CEP128: variants seen among roughly 807,000 people sequenced by gnomAD.
CEP128 encodes the protein centrosomal protein 128.
In CEP128, 132 loss-of-function variants were observed where a neutral mutation model predicts 156.7. That is an observed-to-expected ratio of 0.84 (90% CI 0.73 to 0.97). The LOEUF (loss-of-function observed/expected upper bound fraction) is 0.97. CEP128 is among the 50% of genes least tolerant of loss of function. The probability of loss-of-function intolerance (pLI) is 0.00; values close to 1 mark genes in which losing one functional copy is unlikely to be tolerated. For missense variants in CEP128, 1,252 were observed against 1,281.9 expected (o/e 0.98, Z 0.36); for synonymous variants, 469 against 448.9 (o/e 1.04, Z -0.57).
intron 23 of CEP128, among the ~76,000 whole-genome samples, chr14:80,518,663 AC>A (rs1888602355): frequency 1.3e-5 from 2 of 152,192 alleles, no homozygotes; most frequent in Admixed American, 6.5e-5. Flanking sequence ...AGGTGAACAC[AC>A]ATTTATGACT....
At chr14:80,893,388 T>C (rs1889195017) in intron 8 of CEP128, among the ~76,000 whole-genome samples, 1 of 151,624 alleles carries the variant, frequency 6.6e-6, no homozygotes, top group South Asian at 2.1e-4. Context: ...AGCTGATATG[T>C]AGGATGAACA....
rs769869419 is a variant in CEP128 at position 80,505,009 on chromosome 14, G to T, written c.3084C>A (p.Thr1028=). Residue 1028 remains threonine (T), a synonymous_variant, in exon 24 of 25, where the codon ACC becomes ACA. Transcript: ENST00000555265. The part of the protein sequence containing the change: ...YRTKSFKGDR[T]FLEGSHTRGL... Reference sequence around the variant, plus strand: ...CACGAGTGTGGGAACCTTCCAGAAAGGTTCTGTCACCCTAAGGAAAAAAAG... The same window carrying T: ...CACGAGTGTGGGAACCTTCCAGAAATGTTCTGTCACCCTAAGGAAAAAAAG... The T allele has an allele frequency of 4.4e-5, 70 of 1,589,514 alleles. No homozygotes were observed. In the Middle Eastern group the frequency reaches 6.7e-4, roughly 15 times the overall value.
chr14:80,493,798 A>G (rs544433622), downstream of CEP128, among the ~76,000 whole-genome samples: 41 of 152,272 alleles, frequency 2.7e-4, no homozygotes, highest in Admixed American at 6.5e-4. Flanking sequence ...GAATTTAGGT[A>G]GGATATGGTC....
At chr14:80,738,871 TA>T (rs1898668662) in intron 19 of CEP128, among the ~76,000 whole-genome samples, 1 of 152,200 alleles carries the variant, frequency 6.6e-6, no homozygotes, top group Non-Finnish European at 1.5e-5. Flanking sequence ...TGCATCTCTT[TA>T]TGCTCACAGC....
chr14:80,592,769 G>A (rs910300163), intron 19 of CEP128, among the ~76,000 whole-genome samples: 1 of 152,068 alleles, frequency 6.6e-6, no homozygotes, highest in Non-Finnish European at 1.5e-5. Context: ...CTGGCAAACC[G>A]AATCCAGCAG....
chr14:80,530,886 T>G lies in CEP128; in HGVS notation c.2881A>C (p.Ser961Arg), dbSNP rs1361016514. ...AGATGGTCCAAGGCCACTTGGGTAC[T>G]CTGAAATAGAAAACATAAGGAAACC... The part of the protein sequence containing the change: ...LQDRVIALET[S>R]TQVALDHLES... Residue 961 changes from serine (S) to arginine (R), a missense_variant and splice_region_variant, in exon 22 of 25, where the codon AGT (serine) becomes CGT (arginine). Coordinates refer to ENST00000555265, the MANE Select transcript of CEP128 (RefSeq NM_152446.5). The G allele has an allele frequency of 6.3e-7, 1 of 1,594,696 alleles. No individual in the cohort carries two copies. The highest frequency in any genetic ancestry group is 1.3e-5 in the African/African-American group (1 of 74,316).
intron 5 of CEP128, chr14:80,905,479 T>C (rs1267563303): frequency 6.4e-6 from 1 of 156,666 alleles, no homozygotes; most frequent in Non-Finnish European, 1.4e-5. Flanking sequence ...CTCAGTGCTA[T>C]ACAAAAGTGT....
At chr14:80,645,331 A>C (rs1894589274) in intron 19 of CEP128, among the ~76,000 whole-genome samples, 1 of 152,174 alleles carries the variant, frequency 6.6e-6, no homozygotes, top group East Asian at 1.9e-4. Context: ...TTAAGGTATT[A>C]TACCTGGTGT....
At chr14:80,775,296 T>C (rs1900730160) in intron 16 of CEP128, among the ~76,000 whole-genome samples, 1 of 152,190 alleles carries the variant, frequency 6.6e-6, no homozygotes, top group Non-Finnish European at 1.5e-5. Context: ...TGCTATACTA[T>C]CTCTCAAAGA....
chr14:80,839,554 T>C lies in CEP128; in HGVS notation c.849+1128A>G, dbSNP rs574059161. Reference sequence around the variant, plus strand: ...AAATGAGTTATATATATAAAGCTGGTGAAATCTGTATAAACTAAGTAGATT... The same window carrying C: ...AAATGAGTTATATATATAAAGCTGGCGAAATCTGTATAAACTAAGTAGATT... On this transcript the variant is annotated intron_variant, in intron 10 of 24. Transcript: ENST00000555265. Among the ~76,000 whole-genome samples, 3 of 152,194 alleles carry C rather than the reference T, an allele frequency of 2.0e-5. No individual in the cohort carries two copies. The East Asian group carries it at 5.8e-4, about 29-fold the overall frequency.
At chr14:80,883,569 A>G (rs894911714) in intron 8 of CEP128, among the ~76,000 whole-genome samples, 2 of 152,168 alleles carry the variant, frequency 1.3e-5, no homozygotes, top group Non-Finnish European at 2.9e-5. Flanking sequence ...ACTATATAAG[A>G]TTGATGCAAG....
At chr14:80,726,136 T>C (rs2139490285) in intron 19 of CEP128, among the ~76,000 whole-genome samples, 1 of 152,340 alleles carries the variant, frequency 6.6e-6, no homozygotes, top group South Asian at 2.1e-4. Flanking sequence ...ACATCTCCTA[T>C]GTCTGATGAC....
Position 80,777,928 on chromosome 14 carries a change from T to G in CEP128, c.2330A>C (p.Lys777Thr). ...CAAACATTGATATTTTAGCTTCAGT[T>G]TTTTGTTCTCATTTTCATTCTGGGT... The part of the protein sequence containing the change: ...ELTQNENENK[K>T]LKLKYQCLKD... The change falls in exon 16 of 25, where the codon AAA becomes ACA. Residue 777 changes from lysine (K) to threonine (T), a missense_variant. Transcript: ENST00000555265. 6.2e-7 allele frequency: 1 copy of G among 1,612,644 alleles called. No individual in the cohort carries two copies. The highest frequency in any genetic ancestry group is 8.5e-7 in the Non-Finnish European group (1 of 1,179,032).
chr14:80,764,483 G>A (rs1900138129), intron 16 of CEP128, among the ~76,000 whole-genome samples: 1 of 150,848 alleles, frequency 6.6e-6, no homozygotes, highest in African/African-American at 2.4e-5. Context: ...TCCGGCCTGG[G>A]CGACAGAGCG....
intron 16 of CEP128, among the ~76,000 whole-genome samples, chr14:80,771,068 A>T (rs541948337): frequency 6.6e-5 from 10 of 152,310 alleles, no homozygotes; most frequent in Non-Finnish European, 1.5e-4. Flanking sequence ...TAGAACTGAA[A>T]CACAAAGTTT....
intron 19 of CEP128, among the ~76,000 whole-genome samples, chr14:80,597,959 A>C (rs1401549348): frequency 1.3e-5 from 2 of 148,640 alleles, no homozygotes; most frequent in East Asian, 1.9e-4. Context: ...ACAAAAAAAA[A>C]AAAAAAAAAA....
chr14:80,629,928 A>T (rs762388017), intron 19 of CEP128, among the ~76,000 whole-genome samples: 1 of 152,022 alleles, frequency 6.6e-6, no homozygotes, highest in African/African-American at 2.4e-5. Context: ...TATATAAGTC[A>T]TGTGGTTTGC....
intron 9 of CEP128, among the ~76,000 whole-genome samples, chr14:80,861,839 T>C (rs915415841): frequency 2.6e-5 from 4 of 152,182 alleles, no homozygotes; most frequent in Non-Finnish European, 4.4e-5. Flanking sequence ...CATATCAAAT[T>C]ATATAGATGA....
chr14:80,493,364 C>T (rs1447367854), downstream of CEP128, among the ~76,000 whole-genome samples: 1 of 152,154 alleles, frequency 6.6e-6, no homozygotes, highest in Non-Finnish European at 1.5e-5. Flanking sequence ...CATTTATGTG[C>T]TCAAAGACAT....
Sources: allele counts gnomAD v4.1 joint callset (sites outside exome capture counted in the v4.1 genomes callset), GRCh38; gene constraint gnomAD v4.1.1; transcripts MANE v1.5; gene names NCBI Gene and HGNC (gene_info 2026-07-23, HGNC 2026-07-21).